MAP3K19: variants seen among roughly 807,000 people sequenced by gnomAD.
The protein encoded by MAP3K19 is mitogen-activated protein kinase kinase kinase 19.
In MAP3K19, 91 loss-of-function variants were observed where a neutral mutation model predicts 114.4. The observed-to-expected ratio is 0.80, with a 90% CI of 0.67 to 0.95. MAP3K19 has a LOEUF of 0.95. Among genes scored for constraint, MAP3K19 ranks in the 40% least tolerant of loss-of-function variants. MAP3K19 has a pLI of 0.00. For synonymous variants in MAP3K19, 518 were observed against 530.5 expected, an observed-to-expected ratio of 0.98 and a Z score of 0.32; for missense variants, 1,471 against 1,573.2, an observed-to-expected ratio of 0.94 and a Z score of 1.10.
intron 8 of MAP3K19, among the ~76,000 whole-genome samples, chr2:134,992,968 C>T (rs572477774): frequency 5.9e-5 from 9 of 152,034 alleles, no homozygotes; most frequent in African/African-American, 1.7e-4. Flanking sequence ...TGTGAGCCAC[C>T]GCGCCCAACC....
chr2:134,971,786 A>T, intron 12 of MAP3K19, among the ~76,000 whole-genome samples: 1 of 145,732 alleles, frequency 6.9e-6, no homozygotes. Context: ...TCTGATTTTT[A>T]TTTCAGTCAT....
intron 1 of MAP3K19, among the ~76,000 whole-genome samples, chr2:135,043,972 G>C (rs531360320): frequency 6.6e-6 from 1 of 152,318 alleles, no homozygotes; most frequent in African/African-American, 2.4e-5. Flanking sequence ...TGCTAGAATA[G>C]ATATTAGTTT....
At chr2:134,982,145 T>C (rs1166779662) in intron 11 of MAP3K19, among the ~76,000 whole-genome samples, 3 of 127,246 alleles carry the variant, frequency 2.4e-5, no homozygotes, top group African/African-American at 9.3e-5. Context: ...GGAGACAGAG[T>C]CTCTCTCTGT....
intron 5 of MAP3K19, among the ~76,000 whole-genome samples, chr2:135,006,208 C>G (rs370267644): frequency 2.0e-5 from 3 of 152,144 alleles, no homozygotes; most frequent in African/African-American, 7.2e-5. Context: ...TTCCTTCATT[C>G]GAAGTTATAG....
chr2:134,983,633 G>C (rs375812000), intron 11 of MAP3K19, 43 bp downstream of exon 11: 32 of 1,472,154 alleles, frequency 2.2e-5, no homozygotes, highest in East Asian at 4.8e-5. Flanking sequence ...AGGGACTGTG[G>C]GGGGGTGGGG....
intron 5 of MAP3K19, among the ~76,000 whole-genome samples, chr2:135,007,726 C>T (rs1686934268): frequency 6.6e-6 from 1 of 152,158 alleles, no homozygotes; most frequent in South Asian, 2.1e-4. Context: ...GATGGGTTCA[C>T]TCAGCTCCTA....
intron 8 of MAP3K19, among the ~76,000 whole-genome samples, chr2:134,994,531 A>G (rs1008595772): frequency 1.3e-5 from 2 of 152,150 alleles, no homozygotes; most frequent in African/African-American, 2.4e-5. Context: ...AGAAATGGGG[A>G]GCTGGAGTGA....
intron 8 of MAP3K19, among the ~76,000 whole-genome samples, chr2:134,992,206 G>C (rs573965607): frequency 3.5e-4 from 54 of 152,232 alleles, no homozygotes; most frequent in Non-Finnish European, 5.7e-4. Context: ...TTTTAACTTA[G>C]TTTCCTAGTG....
At chr2:135,011,504 T>G (rs886629329) in intron 5 of MAP3K19, among the ~76,000 whole-genome samples, 1 of 133,994 alleles carries the variant, frequency 7.5e-6, no homozygotes, top group African/African-American at 3.0e-5. Flanking sequence ...GCCACTGTAC[T>G]CCAGCCTGGG....
At chr2:135,043,452 A>T in intron 1 of MAP3K19, among the ~76,000 whole-genome samples, 1 of 152,200 alleles carries the variant, frequency 6.6e-6, no homozygotes, top group East Asian at 1.9e-4. Flanking sequence ...ACTTTTAAAA[A>T]TTGACTTTAT....
chr2:134,970,536 T>C (rs1397082330), intron 12 of MAP3K19, among the ~76,000 whole-genome samples: 2 of 151,982 alleles, frequency 1.3e-5, no homozygotes, highest in South Asian at 2.1e-4. Context: ...TTTCTAGATA[T>C]AAGATCACGT....
In MAP3K19 at chr2:134,986,941, A is replaced by G. The variant is rs750203746; in HGVS notation, c.1931T>C (p.Leu644Pro). The G allele has an allele frequency of 6.2e-7, 1 of 1,614,094 alleles. No homozygotes were observed. Among genetic ancestry groups the G allele is most frequent in the Admixed American group, 1.7e-5 (1 of 60,012 alleles). The change falls in exon 10 of 13, where the codon CTT becomes CCT. Residue 644 changes from leucine to proline, a missense_variant. Physicochemically the swap from Leu to Pro is moderately conservative, Grantham distance 98. Coordinates refer to ENST00000392915, the MANE Select transcript of MAP3K19 (RefSeq NM_025052.5). ...PTEPRLNYLD[L>P]KYSDMFKEIN... ...TTCTTTGAACATATCACTATACTTA[A>G]GATCTAGGTAATTTAGTCTTGGCTC...
chr2:135,021,473 T>TAC (rs111431630), intron 5 of MAP3K19, among the ~76,000 whole-genome samples: 23,542 of 146,564 alleles, frequency 0.16, 2,523 homozygotes, highest in South Asian at 0.31. Context: ...CACACACACA[T>TAC]ACACACACAC....
chr2:134,995,313 T>C (rs1262221785), intron 8 of MAP3K19, among the ~76,000 whole-genome samples: 1 of 121,652 alleles, frequency 8.2e-6, no homozygotes, highest in Non-Finnish European at 1.6e-5. Context: ...TCAGACTCTG[T>C]CTCAAAAAAA....
At chr2:134,991,823 T>C (rs995249857) in intron 8 of MAP3K19, among the ~76,000 whole-genome samples, 1 of 152,202 alleles carries the variant, frequency 6.6e-6, no homozygotes, top group African/African-American at 2.4e-5. Flanking sequence ...ACCTGAGATC[T>C]CTGGACCAGA....
chr2:135,007,167 A>G (rs1686885887), intron 5 of MAP3K19, among the ~76,000 whole-genome samples: 1 of 151,998 alleles, frequency 6.6e-6, no homozygotes, highest in South Asian at 2.1e-4. Context: ...CCTGTCTCAA[A>G]AAAAAAAACC....
chr2:135,012,742 T>C (rs1322528556), intron 5 of MAP3K19, among the ~76,000 whole-genome samples: 4 of 152,186 alleles, frequency 2.6e-5, no homozygotes, highest in South Asian at 2.1e-4. Context: ...TATTGACTTA[T>C]TATGGCAGTT....
At chr2:135,026,925 C>T (rs553558580) in intron 3 of MAP3K19, among the ~76,000 whole-genome samples, 9 of 152,224 alleles carry the variant, frequency 5.9e-5, no homozygotes, top group Admixed American at 2.0e-4. Flanking sequence ...CATCACTTTG[C>T]AATTGTGAAG....
Position 134,964,658 on chromosome 2 carries a change from T to C in MAP3K19, c.*192A>G. 4.7e-6 allele frequency: 2 copies of C among 423,378 alleles called. No homozygotes were observed. Among genetic ancestry groups the C allele is most frequent in the Non-Finnish European group, 8.7e-6 (2 of 229,170 alleles). The allele number at this position is 423,378 out of a possible 1,614,324, so 26.2% of individuals were successfully genotyped here. A position where few individuals can be genotyped will look rare whatever the true frequency, so the allele number is the denominator to read the frequency against. ...ATTAAGAACATGTTTTCTGATACTATGAGTAATAATGTCTGACACTTGAGG... is the reference window on the plus strand; with the variant it reads ...ATTAAGAACATGTTTTCTGATACTACGAGTAATAATGTCTGACACTTGAGG... On this transcript the variant is annotated 3_prime_UTR_variant, in exon 13 of 13. Transcript: ENST00000392915.
Sources: gnomAD v4.1 joint callset for allele counts (sites outside exome capture counted in the v4.1 genomes callset) on GRCh38, gnomAD v4.1.1 for gene constraint, MANE v1.5 for transcripts, NCBI Gene and HGNC (gene_info 2026-07-23, HGNC 2026-07-21) for gene names.